ANO9: variants seen among roughly 807,000 people sequenced by gnomAD.
ANO9 encodes anoctamin-9.
In ANO9, 80 loss-of-function variants were observed where a neutral mutation model predicts 100.5. That is an observed-to-expected ratio of 0.80 (90% CI 0.66 to 0.96). The LOEUF (loss-of-function observed/expected upper bound fraction) is 0.96. Ranked by LOEUF, ANO9 falls within the 40% of genes least tolerant of loss-of-function variation. The pLI, the probability that ANO9 is intolerant of heterozygous loss-of-function variation, is 0.00. For synonymous variants in ANO9, 473 were observed against 435.6 expected (o/e 1.09, Z -1.07); for missense variants, 1,064 against 1,072.7 (o/e 0.99, Z 0.11).
intron 15 of ANO9, among the ~76,000 whole-genome samples, chr11:424,501 G>C (rs1161843440): frequency 6.6e-6 from 1 of 152,238 alleles, no homozygotes; most frequent in African/African-American, 2.4e-5. Context: ...TAGGGCTACT[G>C]TGCAGATTAA....
Position 422,884 on chromosome 11 carries a change from C to CAAT in ANO9, c.1335-1689_1335-1687dup, listed in dbSNP as rs1319953580. Among the ~76,000 whole-genome samples, 1 of 150,598 alleles carries CAAT rather than the reference C, an allele frequency of 6.6e-6. No homozygotes were observed. Among genetic ancestry groups the CAAT allele is most frequent in the East Asian group, 1.9e-4 (1 of 5,154 alleles). On this transcript the variant is annotated intron_variant, in intron 15 of 22. Coordinates refer to ENST00000332826, the MANE Select transcript of ANO9 (RefSeq NM_001012302.3). The surrounding 1 kb of genome is among the most constrained non-coding windows in gnomAD (Gnocchi z 4.3). ...TTGCTCTGTCACCCAGGCTGGAGTG[C>CAAT]AATGGCATGATCTTGGCTCACTACA... is the stretch of plus-strand genomic sequence containing the variant.
chr11:418,362 G>C lies in ANO9; in HGVS notation c.*9C>G. On this transcript the variant is annotated 3_prime_UTR_variant, in exon 23 of 23. Transcript: ENST00000332826. Reference sequence around the variant, plus strand: ...TCAGCTCCTGGTGGCCTCTGGACGGGCTCTGGCCCTACACGTCTGTGCTCC... The same window carrying C: ...TCAGCTCCTGGTGGCCTCTGGACGGCCTCTGGCCCTACACGTCTGTGCTCC... The C allele has an allele frequency of 6.3e-7, 1 of 1,594,998 alleles. No individual in the cohort carries two copies. Among genetic ancestry groups the C allele is most frequent in the South Asian group, 1.1e-5 (1 of 89,100 alleles).
chr11:420,959 G>C lies in ANO9; in HGVS notation c.1476C>G (p.Val492=), dbSNP rs746933244. Residue 492 remains valine, a synonymous_variant, in exon 17 of 23, where the codon GTC becomes GTG. Transcript: ENST00000332826. Reference sequence around the variant, plus strand: ...TCGGCACTCACGGGACCAGGTACTCGACGCAGTTGCTGAGCGTCTGCTTCA... The same window carrying C: ...TCGGCACTCACGGGACCAGGTACTCCACGCAGTTGCTGAGCGTCTGCTTCA... The part of the protein sequence containing the change: ...MGLKQTLSNC[V]EYLVPWVTHK... 1.9e-6 allele frequency: 3 copies of C among 1,605,258 alleles called. No individual in the cohort carries two copies. The highest frequency in any genetic ancestry group is 2.6e-6 in the Non-Finnish European group (3 of 1,174,868).
At chr11:428,661 C>T (rs775894190) in intron 12 of ANO9, 22 bp from the exon 13 acceptor site, 37 of 1,607,350 alleles carry the variant, frequency 2.3e-5, no homozygotes, top group South Asian at 9.9e-5. Context: ...CTGTGGTGGG[C>T]GGGGGCCGGG....
intron 9 of ANO9, 49 bp from the exon 10 acceptor site, chr11:429,867 G>T: frequency 1.3e-6 from 2 of 1,514,760 alleles, no homozygotes; most frequent in Non-Finnish European, 1.8e-6. Flanking sequence ...AGCTGGGGAG[G>T]GGGGCAGGTG....
Position 420,771 on chromosome 11 carries a change from T to C in ANO9, c.1580A>G (p.Tyr527Cys), listed in dbSNP as rs1212286546. 1.9e-6 allele frequency: 3 copies of C among 1,603,298 alleles called. No homozygotes were observed. Among genetic ancestry groups the C allele is most frequent in the Non-Finnish European group, 2.5e-6 (3 of 1,177,200 alleles). ...GAAGGTGTTGACCGGGTTCAGAAGGTAGTTGCGCCGCCAGTCCCTGAGCTC... is the reference window on the plus strand; with the variant it reads ...GAAGGTGTTGACCGGGTTCAGAAGGCAGTTGCGCCGCCAGTCCCTGAGCTC... The part of the protein sequence containing the change: ...DPELRDWRRN[Y>C]LLNPVNTFSL... The change falls in exon 18 of 23, where the codon TAC becomes TGC. Residue 527 changes from tyrosine (Y) to cysteine (C), a missense_variant. Transcript: ENST00000332826.
rs530905263 is a variant in ANO9 at position 428,296 on chromosome 11, A to G, written c.1222+62T>C. 87 of 1,609,302 alleles carry G rather than the reference A, an allele frequency of 5.4e-5. 1 individual carries two copies. The South Asian group carries it at 8.9e-4, about 17-fold the overall frequency. On this transcript the variant is annotated intron_variant, in intron 14 of 22. Transcript: ENST00000332826. ...TCCCCTGCTCTCTGACCACAGCCCC[A>G]AGGCCCCAGCCCTGAGTCCTCCCGC...
At chr11:433,602 CCA>C in intron 3 of ANO9, 143 bp from the exon 4 acceptor site, 1 of 1,456,030 alleles carries the variant, frequency 6.9e-7, no homozygotes, top group South Asian at 1.3e-5. Context: ...CCGCTGTGGC[CCA>C]GAGCCACGGA....
Position 421,674 on chromosome 11 carries a change from C to T in ANO9, c.1335-476G>A, listed in dbSNP as rs1218433624. Among the ~76,000 whole-genome samples, 1 of 152,230 alleles carries T rather than the reference C, an allele frequency of 6.6e-6. No homozygotes were observed. The highest frequency in any genetic ancestry group is 1.5e-5 in the Non-Finnish European group (1 of 68,042). ...CGCACACACACACACACAGGCAAGG[C>T]CACAGGCTCCAACACACGCTCCAGA... On this transcript the variant is annotated intron_variant, in intron 15 of 22. Transcript: ENST00000332826. This position sits in a 1 kb window ranked among gnomAD's most constrained non-coding sequence, Gnocchi z 6.8.
rs190861157 is a variant in ANO9 at position 432,836 on chromosome 11, C to G, written c.350+478G>C. 1.8e-4 allele frequency: 28 copies of G among 158,430 alleles called. No homozygotes were observed. In the East Asian group the frequency reaches 5.2e-3, roughly 30 times the overall value. 9.8% of individuals were successfully genotyped at this position (158,430 alleles called of 1,614,324 possible). On this transcript the variant is annotated intron_variant, in intron 4 of 22. Coordinates refer to ENST00000332826, the MANE Select transcript of ANO9 (RefSeq NM_001012302.3). The surrounding 1 kb of genome is among the most constrained non-coding windows in gnomAD (Gnocchi z 4.8). ...GCATGGAGGGCCAGGCTTGGAGGCT[C>G]CCTCCTGGGCTGGAGGACTGGGGAG...
chr11:425,648 G>GA (rs1007088858), intron 15 of ANO9, among the ~76,000 whole-genome samples: 3 of 146,276 alleles, frequency 2.1e-5, no homozygotes, highest in Non-Finnish European at 3.0e-5. Flanking sequence ...CAATTCATAG[G>GA]AAAAAAAATA....
intron 17 of ANO9, 22 bp from the exon 18 acceptor site, chr11:420,882 A>G (rs771839872): frequency 6.3e-7 from 1 of 1,588,482 alleles, no homozygotes; most frequent in South Asian, 1.1e-5. Flanking sequence ...GCTGCGTGGC[A>G]GGGAGGGCGC....
At chr11:429,870 G>C (rs1848782391) in intron 9 of ANO9, 52 bp from the exon 10 acceptor site, 1 of 1,503,736 alleles carries the variant, frequency 6.7e-7, no homozygotes, top group Non-Finnish European at 9.0e-7. Context: ...TGGGGAGGGG[G>C]GCAGGTGAGC....
At chr11:434,897 GTC>G (rs1323265044) in intron 1 of ANO9, among the ~76,000 whole-genome samples, 103 of 152,272 alleles carry the variant, frequency 6.8e-4, no homozygotes, top group South Asian at 1.5e-3. Context: ...CTCTGGCTGC[GTC>G]ACACCTGGTC....
chr11:433,767 C>G lies in ANO9; in HGVS notation c.204+48G>C, dbSNP rs371707718. On this transcript the variant is annotated intron_variant, in intron 3 of 22. Coordinates refer to ENST00000332826, the MANE Select transcript of ANO9 (RefSeq NM_001012302.3). ...CCCCATGGCCCTGCCCCTCGCTGGA[C>G]ACCCGCCCCGGCCCCATGGCCCTGC... The G allele has an allele frequency of 7.8e-4, 1,188 of 1,528,808 alleles. 8 individuals carry two copies. Among genetic ancestry groups the G allele is most frequent in the South Asian group, 4.6e-3 (375 of 81,286 alleles). The allele number at this position is 1,528,808 out of a possible 1,614,324, so 94.7% of individuals were successfully genotyped here. A position where few individuals can be genotyped will look rare whatever the true frequency, so the allele number is the denominator to read the frequency against.
chr11:428,537 T>C lies in ANO9; in HGVS notation c.1123A>G (p.Thr375Ala). 1 of 1,612,602 alleles carries C rather than the reference T, an allele frequency of 6.2e-7. No homozygotes were observed. Among genetic ancestry groups the C allele is most frequent in the Non-Finnish European group, 8.5e-7 (1 of 1,179,886 alleles). Reference protein sequence around the residue: ...SAVPFLEEQVTTAVVVTGALV... With the variant: ...SAVPFLEEQVATAVVVTGALV... ...GCCCCGGTCACCACCACGGCCGTGG[T>C]CACCTGCTCCTCCAGGAAGGGCACG... Residue 375 changes from threonine to alanine, a missense_variant, in exon 13 of 23, where the codon ACC (threonine) becomes GCC (alanine). Coordinates refer to ENST00000332826, the MANE Select transcript of ANO9 (RefSeq NM_001012302.3).
chr11:433,729 G>A (rs1333849133), intron 3 of ANO9, 86 bp downstream of exon 3: 1 of 1,482,802 alleles, frequency 6.7e-7, no homozygotes, highest in Non-Finnish European at 9.0e-7. Context: ...CCCTCGCTGG[G>A]CACCCGCCCC....
At position 433,885 on chromosome 11, in the gene ANO9, TG is replaced by T; in HGVS notation, c.133del (p.Gln45ArgfsTer25). Reference protein sequence around the residue: ...DYVLVAQRHTQRDPRQARQQQ... With the variant: ...DYVLVAQRHTXRDPRQARQQQ... Reference sequence around the variant, plus strand: ...CTGCCGCGCCTGCCGGGGGTCTCTCTGGGTGTGACGTTGGGCCACGAGGACA... The same window carrying T: ...CTGCCGCGCCTGCCGGGGGTCTCTCTGGTGTGACGTTGGGCCACGAGGACA... On this transcript the variant is annotated frameshift_variant, in exon 3 of 23. Coordinates refer to ENST00000332826, the MANE Select transcript of ANO9 (RefSeq NM_001012302.3). LOFTEE classifies it high-confidence loss of function. The T allele has an allele frequency of 1.3e-6, 2 of 1,564,056 alleles. No homozygotes were observed. Among genetic ancestry groups the T allele is most frequent in the African/African-American group, 1.3e-5 (1 of 74,412 alleles).
rs377467271 is a variant in ANO9 at position 428,467 on chromosome 11, G to A, written c.1185+8C>T. The A allele has an allele frequency of 1.8e-5, 29 of 1,612,246 alleles. No individual in the cohort carries two copies. Among genetic ancestry groups the A allele is most frequent in the African/African-American group, 6.7e-5 (5 of 74,926 alleles). ...CCCAGCTCGGGCCTGCCCTGCTCCC[G>A]GCCCCACCTTGGTCATGATGATGAT... On this transcript the variant is annotated splice_region_variant and intron_variant, in intron 13 of 22. Transcript: ENST00000332826.
Sources: gnomAD v4.1 joint callset for allele counts (sites outside exome capture counted in the v4.1 genomes callset) on GRCh38, gnomAD v4.1.1 for gene constraint, Gnocchi (gnomAD v3.1) non-coding constraint, MANE v1.5 for transcripts, NCBI Gene and HGNC (gene_info 2026-07-23, HGNC 2026-07-21) for gene names.